The following INCENP variants were observed in gnomAD, a reference collection of about 807,000 sequenced individuals.
INCENP encodes the protein binds and activates aurora-B and -C in vivo and in vitro.
Under a neutral mutation model 107.3 loss-of-function variants are expected in INCENP, and 43 were observed. The observed-to-expected ratio is 0.40, with a 90% CI of 0.31 to 0.52. INCENP has a LOEUF of 0.52. Ranked by LOEUF, INCENP falls within the 20% of genes least tolerant of loss-of-function variation. The pLI, the probability that INCENP is intolerant of heterozygous loss-of-function variation, is 0.53. For missense variants in INCENP, 1,089 were observed against 1,250.9 expected, an observed-to-expected ratio of 0.87 and a Z score of 1.95; for synonymous variants, 488 against 494.4, an observed-to-expected ratio of 0.99 and a Z score of 0.17.
At chr11:62,128,329 GA>G in intron 2 of INCENP, 28 bp downstream of exon 2, 1 of 1,613,508 alleles carries the variant, frequency 6.2e-7, no homozygotes, top group Non-Finnish European at 8.5e-7. Flanking sequence ...GAGAGGCTGG[GA>G]ACACCAGGGC....
At chr11:62,141,659 G>T in intron 11 of INCENP, 148 bp downstream of exon 11, 1 of 1,107,998 alleles carries the variant, frequency 9.0e-7, no homozygotes, top group East Asian at 2.4e-5. Flanking sequence ...ACGGTGAGGG[G>T]TGCACTGGCT....
intron 11 of INCENP, 28 bp from the exon 12 acceptor site, chr11:62,144,954 C>T: frequency 3.2e-6 from 5 of 1,572,996 alleles, no homozygotes; most frequent in Non-Finnish European, 4.3e-6. Context: ...TGCTCATGTC[C>T]CATCTCCCTC....
Position 62,140,990 on chromosome 11 carries a change from C to G in INCENP, c.1539C>G (p.Arg513=). 6.2e-7 allele frequency: 1 copy of G among 1,614,240 alleles called. No individual in the cohort carries two copies. Among genetic ancestry groups the G allele is most frequent in the South Asian group, 1.1e-5 (1 of 91,088 alleles). ...TCATGACCCCGACCTCAGCCCCACGCAGCGTCATGAAGTCCTTTATTAAGC... is the reference window on the plus strand; with the variant it reads ...TCATGACCCCGACCTCAGCCCCACGGAGCGTCATGAAGTCCTTTATTAAGC... The part of the protein sequence containing the change: ...QMLMTPTSAP[R]SVMKSFIKRN... The change falls in exon 10 of 19, where the codon CGC becomes CGG. Residue 513 remains arginine, a synonymous_variant. Transcript: ENST00000394818.
intron 4 of INCENP, among the ~76,000 whole-genome samples, chr11:62,134,926 C>T (rs1335371282): frequency 6.6e-6 from 1 of 152,120 alleles, no homozygotes. Context: ...TGGCACGTGC[C>T]TGTAGTCCCA....
chr11:62,151,918 C>T lies in INCENP; in HGVS notation c.2699C>T (p.Pro900Leu). Residue 900 changes from proline to leucine, a missense_variant, in exon 19 of 19, where the codon CCG becomes CTG. Pro to Leu is a moderately conservative substitution (Grantham distance 98). Coordinates refer to ENST00000394818, the MANE Select transcript of INCENP (RefSeq NM_001040694.2). ...ACCAGCTCTGCTGTCTGGAACTCAC[C>T]GCCCCTGCAGGGCGCCAGGGTCCCC... ...KRTSSAVWNS[P>L]PLQGARVPSS... The T allele has an allele frequency of 2.5e-6, 4 of 1,613,704 alleles. No homozygotes were observed. The highest frequency in any genetic ancestry group is 3.4e-6 in the Non-Finnish European group (4 of 1,180,032).
At chr11:62,146,956 G>A (rs898304953) in intron 15 of INCENP, 54 bp downstream of exon 15, 121 of 1,585,966 alleles carry the variant, frequency 7.6e-5, no homozygotes, top group East Asian at 9.0e-5. Context: ...GAAGAGAGAC[G>A]GTGTGAACCT....
intron 11 of INCENP, 179 bp from the exon 12 acceptor site, chr11:62,144,803 A>C (rs1465472332): frequency 1.3e-6 from 1 of 766,872 alleles, no homozygotes; most frequent in South Asian, 1.4e-5. Flanking sequence ...GAAAGGCGGG[A>C]GCTGCGGGCC....
At chr11:62,125,814 A>C (rs1274938339) in intron 1 of INCENP, among the ~76,000 whole-genome samples, 2 of 152,248 alleles carry the variant, frequency 1.3e-5, no homozygotes, top group African/African-American at 2.4e-5. Context: ...CAAGACAGAC[A>C]GGGGTTTGCC....
intron 10 of INCENP, 60 bp from the exon 11 acceptor site, chr11:62,141,440 C>T (rs1467489038): frequency 9.3e-6 from 15 of 1,612,308 alleles, no homozygotes; most frequent in Non-Finnish European, 1.3e-5. Flanking sequence ...TGTGGCCTGC[C>T]CGGCAGGATG....
In INCENP at chr11:62,148,865, T is replaced by C. The variant is rs1286492978; in HGVS notation, c.2391+19T>C. 3 of 1,545,830 alleles carry C rather than the reference T, an allele frequency of 1.9e-6. No individual in the cohort carries two copies. In the African/African-American group the frequency reaches 4.1e-5, roughly 21 times the overall value. ...CGTGCAGGTGCCACCTGGGCCCCAGTGGAGAGGCTCTCAGGTGGAGGGGCC... is the reference window on the plus strand; with the variant it reads ...CGTGCAGGTGCCACCTGGGCCCCAGCGGAGAGGCTCTCAGGTGGAGGGGCC... On this transcript the variant is annotated intron_variant, in intron 17 of 18. Transcript: ENST00000394818.
intron 1 of INCENP, among the ~76,000 whole-genome samples, chr11:62,124,642 C>T (rs986454803): frequency 6.6e-6 from 1 of 152,250 alleles, no homozygotes; most frequent in Admixed American, 6.5e-5. Context: ...GGTTCAGTCT[C>T]ATTCAGCTAA....
rs185665282 is a variant in INCENP, at chr11:62,140,073, T to C, written c.1292-161T>C. 3.9e-3 allele frequency among the ~76,000 whole-genome samples: 597 copies of C among 152,186 alleles called. 16 individuals are homozygous for C. Among genetic ancestry groups the C allele is most frequent in the Admixed American group, 0.036 (544 of 15,278 alleles). On this transcript the variant is annotated intron_variant, in intron 7 of 18. Coordinates refer to ENST00000394818, the MANE Select transcript of INCENP (RefSeq NM_001040694.2). ...TAGATTCCTCAAGGCTAGTCAGGGTTAAGGCTGATATGTCTGCGTTTGGCC... is the reference window on the plus strand; with the variant it reads ...TAGATTCCTCAAGGCTAGTCAGGGTCAAGGCTGATATGTCTGCGTTTGGCC...
rs1217024048 is a variant in INCENP, at chr11:62,148,482, G to A, written c.2211G>A (p.Leu737=). The A allele has an allele frequency of 4.4e-6, 7 of 1,602,806 alleles. No individual in the cohort carries two copies. In the South Asian group the frequency reaches 6.8e-5, roughly 16 times the overall value. ...EQERLQAERE[L]QEREKALRLQ... is the part of the protein sequence containing the mutation. ...GCTCTTGCTGGGTCCTCAGGGAGCT[G>A]CAGGAGCGGGAGAAGGCCCTGCGGC... Residue 737 remains leucine (L), a synonymous_variant, in exon 16 of 19, where the codon CTG becomes CTA. Transcript: ENST00000394818.
At chr11:62,138,415 C>T (rs928219299) in intron 5 of INCENP, among the ~76,000 whole-genome samples, 2 of 152,248 alleles carry the variant, frequency 1.3e-5, no homozygotes, top group African/African-American at 4.8e-5. Flanking sequence ...TGCAGCTCAC[C>T]TGGGCCCAAG....
At chr11:62,140,511 C>T (rs1465533633) in intron 8 of INCENP, among the ~76,000 whole-genome samples, 193 bp from the exon 9 acceptor site, 1 of 152,212 alleles carries the variant, frequency 6.6e-6, no homozygotes, top group Non-Finnish European at 1.5e-5. Context: ...GTGTGGTCTC[C>T]TGGCCATGTG....
intron 2 of INCENP, 97 bp downstream of exon 2, chr11:62,128,398 C>A: frequency 7.4e-7 from 1 of 1,357,100 alleles, no homozygotes; most frequent in Non-Finnish European, 1.0e-6. Flanking sequence ...GCCTACCTGG[C>A]AAAACAGACA....
At chr11:62,127,043 GT>G (rs61614201) in intron 1 of INCENP, among the ~76,000 whole-genome samples, 34,120 of 145,444 alleles carry the variant, frequency 0.23, 4,419 homozygotes, top group South Asian at 0.39. Flanking sequence ...TTTTTGTTTT[GT>G]TTTTTTTTTT....
chr11:62,145,376 C>A, intron 13 of INCENP, 87 bp downstream of exon 13: 1 of 1,570,040 alleles, frequency 6.4e-7, no homozygotes, highest in Non-Finnish European at 8.7e-7. Context: ...GCAGATTTGT[C>A]ACTGTACCCC....
At chr11:62,135,734 G>A (rs1469001918) in intron 4 of INCENP, among the ~76,000 whole-genome samples, 2 of 152,190 alleles carry the variant, frequency 1.3e-5, no homozygotes, top group Admixed American at 1.3e-4. Flanking sequence ...AAAGTCCTTA[G>A]ATATTAGGAT....
Sources: gnomAD v4.1 joint callset for allele counts (sites outside exome capture counted in the v4.1 genomes callset) on GRCh38, gnomAD v4.1.1 for gene constraint, MANE v1.5 for transcripts, NCBI Gene and HGNC (gene_info 2026-07-23, HGNC 2026-07-21) for gene names.